Variants in HSD17B4 observed in about 807,000 individuals in gnomAD.
HSD17B4 encodes peroxisomal multifunctional enzyme type 2.
In HSD17B4, 70 loss-of-function variants were observed where a neutral mutation model predicts 101.0. The ratio of observed to expected loss-of-function variants is 0.69; its 90% CI spans 0.57 to 0.85. HSD17B4 has a LOEUF of 0.85. Ranked by LOEUF, HSD17B4 falls within the 40% of genes least tolerant of loss-of-function variation. The probability of loss-of-function intolerance (pLI) is 0.00; values close to 1 mark genes in which losing one functional copy is unlikely to be tolerated. For synonymous variants in HSD17B4, 347 were observed against 297.1 expected (o/e 1.17, Z -1.73); for missense variants, 984 against 892.4 (o/e 1.10, Z -1.31).
chr5:119,531,563 A>AGG (rs34403323), intron 22 of HSD17B4, among the ~76,000 whole-genome samples, 159 bp downstream of exon 22: 1 of 122,352 alleles, frequency 8.2e-6, no homozygotes, highest in Admixed American at 7.5e-5. Context: ...GAATGTCCAA[A>AGG]GGGGGGTGTG....
intron 1 of HSD17B4, 98 bp downstream of exon 1, chr5:119,452,731 C>G (rs755334209): frequency 6.2e-7 from 1 of 1,602,490 alleles, no homozygotes; most frequent in Non-Finnish European, 8.5e-7. Flanking sequence ...TGAGGTCACC[C>G]CGCTGAGGTG....
chr5:119,541,888 C>T lies in HSD17B4; in HGVS notation c.2122-17C>T, dbSNP rs1755023776. The T allele has an allele frequency of 2.6e-6, 4 of 1,524,916 alleles. No individual in the cohort carries two copies. The highest frequency in any genetic ancestry group is 2.7e-6 in the Non-Finnish European group (3 of 1,099,806). The allele number at this position is 1,524,916 out of a possible 1,614,324, so 94.5% of individuals were successfully genotyped here. ...CATGGTAACAGTTGGCACTCTTTTT[C>T]CCTCCTCTCCTTGCAGGCATTCTTT... On this transcript the variant is annotated splice_polypyrimidine_tract_variant and intron_variant, in intron 23 of 23. Coordinates refer to ENST00000510025, the MANE Select transcript of HSD17B4 (RefSeq NM_000414.4).
intron 9 of HSD17B4, 134 bp from the exon 10 acceptor site, chr5:119,491,966 G>C (rs1447537395): frequency 1.3e-6 from 1 of 776,886 alleles, no homozygotes; most frequent in African/African-American, 1.7e-5. Context: ...CTCTTACAGA[G>C]CTGTATTATT....
intron 23 of HSD17B4, among the ~76,000 whole-genome samples, chr5:119,541,410 G>A (rs188942186): frequency 1.7e-4 from 26 of 152,290 alleles, no homozygotes; most frequent in Admixed American, 1.5e-3. Context: ...AAGGGGCACA[G>A]CCTGGATTTT....
At chr5:119,475,769 T>C (rs1748522147) in intron 5 of HSD17B4, 42 bp downstream of exon 5, 3 of 1,588,082 alleles carry the variant, frequency 1.9e-6, no homozygotes, top group Non-Finnish European at 2.6e-6. Context: ...GTGTATAATT[T>C]TTTTAAAAAG....
At chr5:119,514,868 C>T in intron 16 of HSD17B4, 113 bp from the exon 17 acceptor site, 7 of 718,068 alleles carry the variant, frequency 9.7e-6, no homozygotes, top group South Asian at 3.2e-5. Context: ...CCCTTTTATC[C>T]AATTTGCAGA....
chr5:119,496,860 G>T (rs1405957306), intron 12 of HSD17B4, among the ~76,000 whole-genome samples: 1 of 152,190 alleles, frequency 6.6e-6, no homozygotes, highest in South Asian at 2.1e-4. Flanking sequence ...ATAACATACA[G>T]CCTGATTTCA....
intron 20 of HSD17B4, among the ~76,000 whole-genome samples, chr5:119,527,472 A>G (rs1753708259): frequency 2.0e-5 from 3 of 152,088 alleles, no homozygotes; most frequent in Admixed American, 2.0e-4. Flanking sequence ...CTATCTATGT[A>G]GCAGTGGCCC....
chr5:119,492,747 AT>A (rs1461302262), intron 10 of HSD17B4: 2 of 152,074 alleles, frequency 1.3e-5, no homozygotes, highest in African/African-American at 2.4e-5. Flanking sequence ...AAATAGTTAA[AT>A]AGTAAATTTA....
intron 17 of HSD17B4, among the ~76,000 whole-genome samples, chr5:119,519,339 A>G: frequency 6.6e-6 from 1 of 152,252 alleles, no homozygotes; most frequent in East Asian, 1.9e-4. Flanking sequence ...TATACTATAC[A>G]TATCCTATTA....
At chr5:119,466,138 C>T (rs567152826) in intron 2 of HSD17B4, among the ~76,000 whole-genome samples, 4 of 152,262 alleles carry the variant, frequency 2.6e-5, no homozygotes, top group Non-Finnish European at 4.4e-5. Context: ...ACATAACCAT[C>T]GTTACATCTC....
At chr5:119,471,040 G>A (rs1431910271) in intron 2 of HSD17B4, among the ~76,000 whole-genome samples, 3 of 152,098 alleles carry the variant, frequency 2.0e-5, no homozygotes, top group Non-Finnish European at 4.4e-5. Context: ...TCCACTTGGG[G>A]GTAGTGTTTC....
At chr5:119,458,843 T>C (rs1754932204) in intron 2 of HSD17B4, among the ~76,000 whole-genome samples, 1 of 152,218 alleles carries the variant, frequency 6.6e-6, no homozygotes. Context: ...GTGCATTTCT[T>C]AAGTAGGTTA....
At chr5:119,456,157 G>A (rs959860699) in intron 1 of HSD17B4, among the ~76,000 whole-genome samples, 158 bp from the exon 2 acceptor site, 1 of 152,220 alleles carries the variant, frequency 6.6e-6, no homozygotes, top group African/African-American at 2.4e-5. Flanking sequence ...GCAGAAGAGA[G>A]TGGATAGGTT....
chr5:119,452,864 A>G (rs1179203968), intron 1 of HSD17B4: 4 of 1,535,306 alleles, frequency 2.6e-6, no homozygotes, highest in Non-Finnish European at 3.5e-6. Flanking sequence ...GGGCTTCCCA[A>G]GGTCCTGCCT....
intron 7 of HSD17B4, 54 bp downstream of exon 7, chr5:119,477,555 C>A: frequency 8.8e-7 from 1 of 1,129,970 alleles, no homozygotes; most frequent in Non-Finnish European, 1.4e-6. Flanking sequence ...TCTGGGGGTT[C>A]TTGTGTACAG....
At chr5:119,539,443 G>C (rs1754798814) in intron 23 of HSD17B4, among the ~76,000 whole-genome samples, 1 of 134,002 alleles carries the variant, frequency 7.5e-6, no homozygotes, top group Admixed American at 7.6e-5. Context: ...GGGGTTGGGG[G>C]AGGGGGGGAG....
intron 2 of HSD17B4, among the ~76,000 whole-genome samples, chr5:119,472,232 T>TA (rs1212223631): frequency 6.6e-6 from 1 of 152,236 alleles, no homozygotes; most frequent in Middle Eastern, 3.2e-3. Context: ...GTGTTTCTTT[T>TA]AAAATCACCA....
chr5:119,498,721 T>TA (rs1233606988), intron 12 of HSD17B4, among the ~76,000 whole-genome samples: 3 of 151,412 alleles, frequency 2.0e-5, no homozygotes, highest in South Asian at 2.1e-4. Flanking sequence ...ACTGAAAATA[T>TA]AAAAAAAAAT....
Sources: allele counts gnomAD v4.1 joint callset (sites outside exome capture counted in the v4.1 genomes callset), GRCh38; gene constraint gnomAD v4.1.1; transcripts MANE v1.5; gene names NCBI Gene and HGNC (gene_info 2026-07-23, HGNC 2026-07-21).